The following SEMA3A variants were observed in gnomAD, a reference collection of about 807,000 sequenced individuals.
The protein encoded by SEMA3A is semaphorin-3A.
A neutral mutation model predicts 97.9 loss-of-function variants in SEMA3A; 29 were observed. That is an observed-to-expected ratio of 0.30 (90% CI 0.22 to 0.40). The LOEUF (loss-of-function observed/expected upper bound fraction) is 0.40, where lower values mean the gene tolerates loss of function less well. SEMA3A is among the 10% of genes least tolerant of loss of function. The pLI is 1.00. For synonymous variants in SEMA3A, 321 were observed against 323.7 expected (o/e 0.99, Z 0.09); for missense variants, 763 against 951.3 (o/e 0.80, Z 2.60).
intron 4 of SEMA3A, 84 bp downstream of exon 4, chr7:84,110,386 A>C (rs983524698): frequency 2.1e-5 from 32 of 1,512,782 alleles, no homozygotes; most frequent in Non-Finnish European, 2.8e-5. Context: ...ACCACAAGCA[A>C]AATAAACTGA....
chr7:84,318,523 C>T (rs1024491591), intron 2 of SEMA3A, among the ~76,000 whole-genome samples: 10 of 151,546 alleles, frequency 6.6e-5, no homozygotes, highest in Non-Finnish European at 1.2e-4. Context: ...GGGGTTTCAC[C>T]GTTTTAGCCG....
chr7:83,980,547 G>A (rs1287800170), intron 14 of SEMA3A, among the ~76,000 whole-genome samples: 1 of 144,514 alleles, frequency 6.9e-6, no homozygotes, highest in Admixed American at 7.1e-5. Flanking sequence ...AGAGGTTGCA[G>A]TGAGCCGAGA....
intron 1 of SEMA3A, among the ~76,000 whole-genome samples, chr7:84,466,437 T>C (rs1417178360): frequency 6.6e-6 from 1 of 152,138 alleles, no homozygotes; most frequent in East Asian, 1.9e-4. Flanking sequence ...CCTCCCAAAG[T>C]GCTGGGATTA....
At chr7:84,206,942 A>G (rs1312716236) in intron 3 of SEMA3A, among the ~76,000 whole-genome samples, 1 of 152,144 alleles carries the variant, frequency 6.6e-6, no homozygotes, top group African/African-American at 2.4e-5. Context: ...TACTTTGATT[A>G]CCCACCTTTA....
intron 12 of SEMA3A, among the ~76,000 whole-genome samples, chr7:83,998,372 A>ATAGAAAAGGTACAATAAAAGTATGG (rs1790302280): frequency 6.6e-6 from 1 of 152,230 alleles, no homozygotes; most frequent in Admixed American, 6.5e-5. Flanking sequence ...GTATCTAAAC[A>ATAGAAAAGGTACAATAAAAGTATGG]TAGAAAAGGT....
At chr7:84,057,288 G>A (rs1195231586) in intron 5 of SEMA3A, among the ~76,000 whole-genome samples, 1 of 152,156 alleles carries the variant, frequency 6.6e-6, no homozygotes, top group Non-Finnish European at 1.5e-5. Context: ...CTCTCAAGTT[G>A]ACTGTTCTTT....
intron 1 of SEMA3A, among the ~76,000 whole-genome samples, chr7:84,403,544 G>C (rs989505310): frequency 3.9e-5 from 6 of 152,198 alleles, no homozygotes; most frequent in Admixed American, 3.9e-4. Context: ...TTTGAAGAGA[G>C]TAGTGGTTCT....
intron 2 of SEMA3A, among the ~76,000 whole-genome samples, chr7:84,330,847 A>C (rs1367731208): frequency 6.6e-6 from 1 of 152,106 alleles, no homozygotes; most frequent in Non-Finnish European, 1.5e-5. Flanking sequence ...GATTTTATTA[A>C]ATCAAAGAGG....
intron 2 of SEMA3A, among the ~76,000 whole-genome samples, chr7:84,345,980 A>G (rs1298061491): frequency 1.3e-5 from 2 of 152,232 alleles, no homozygotes; most frequent in South Asian, 2.1e-4. Context: ...TTTCATCTGC[A>G]TTGAAAATCT....
At chr7:84,200,556 C>T (rs576263647) in intron 3 of SEMA3A, among the ~76,000 whole-genome samples, 4 of 152,180 alleles carry the variant, frequency 2.6e-5, no homozygotes, top group African/African-American at 4.8e-5. Context: ...AGCTAAAATA[C>T]GGTTATAGAA....
intron 4 of SEMA3A, among the ~76,000 whole-genome samples, chr7:84,073,330 G>C (rs964824214): frequency 1.3e-5 from 2 of 151,948 alleles, no homozygotes; most frequent in Non-Finnish European, 2.9e-5. Context: ...TCCACAGAGA[G>C]AGGGCAGAGG....
At chr7:84,362,580 A>G (rs1474415572) in intron 2 of SEMA3A, among the ~76,000 whole-genome samples, 1 of 151,968 alleles carries the variant, frequency 6.6e-6, no homozygotes, top group Non-Finnish European at 1.5e-5. Flanking sequence ...TCCTTCAATT[A>G]TGGCTTCTTG....
At chr7:84,332,383 A>G (rs968761083) in intron 2 of SEMA3A, among the ~76,000 whole-genome samples, 8 of 152,120 alleles carry the variant, frequency 5.3e-5, no homozygotes, top group Admixed American at 3.3e-4. Flanking sequence ...AGTGCCCATC[A>G]CTGGATACAC....
At chr7:84,306,883 A>C (rs200899019) in intron 3 of SEMA3A, among the ~76,000 whole-genome samples, 193 of 152,228 alleles carry the variant, frequency 1.3e-3, no homozygotes, top group African/African-American at 4.6e-3. Context: ...CATTCCAGCT[A>C]TCTCTGCTCT....
rs1485943579 is a variant in SEMA3A, at chr7:84,397,476, T to C, written c.-245-25576A>G. ...TATAACGTATACATAATATGTATTA[T>C]ATATAACATGTATACAATACATGTT... On this transcript the variant is annotated intron_variant, in intron 1 of 3. Coordinates refer to the SEMA3A transcript ENST00000424555. Among the ~76,000 whole-genome samples the C allele has an allele frequency of 2.7e-5, 4 of 148,318 alleles. No individual in the cohort carries two copies. In the South Asian group the frequency reaches 6.3e-4, roughly 23 times the overall value.
chr7:84,453,724 G>A (rs1805621035), intron 1 of SEMA3A, among the ~76,000 whole-genome samples: 1 of 152,074 alleles, frequency 6.6e-6, no homozygotes, highest in Non-Finnish European at 1.5e-5. Context: ...TCAGTAATAA[G>A]TACTCTGTAA....
At chr7:84,405,510 T>C (rs1365920429) in intron 1 of SEMA3A, among the ~76,000 whole-genome samples, 2 of 151,992 alleles carry the variant, frequency 1.3e-5, no homozygotes, top group Admixed American at 1.3e-4. Context: ...AACAAGGATA[T>C]CCAGGAATTG....
In SEMA3A at chr7:84,297,175, C is replaced by G. The variant is rs747163957; in HGVS notation, c.-83+10032G>C. Among the ~76,000 whole-genome samples, 9 of 152,092 alleles carry G rather than the reference C, an allele frequency of 5.9e-5. No individual in the cohort carries two copies. In the South Asian group the frequency reaches 6.2e-4, roughly 11 times the overall value. On this transcript the variant is annotated intron_variant, in intron 3 of 3. Transcript: ENST00000424555. ...TATTTTTAGTAGAGACGGAGTTTCA[C>G]TATTTTGGTCAGGCTGGTCTCAAAC... is the stretch of plus-strand genomic sequence containing the variant.
intron 1 of SEMA3A, among the ~76,000 whole-genome samples, chr7:84,381,553 A>G (rs1803260091): frequency 6.6e-6 from 1 of 152,176 alleles, no homozygotes; most frequent in South Asian, 2.1e-4. Context: ...TTAACAAATT[A>G]CTAAAGTACT....
Sources: allele counts gnomAD v4.1 joint callset (sites outside exome capture counted in the v4.1 genomes callset), GRCh38; gene constraint gnomAD v4.1.1; transcripts MANE v1.5; gene names NCBI Gene and HGNC (gene_info 2026-07-23, HGNC 2026-07-21).